The following H6PD variants were observed in gnomAD, a reference collection of about 807,000 sequenced individuals.
H6PD encodes GDH/6PGL endoplasmic bifunctional protein.
In H6PD, 48 loss-of-function variants were observed where a neutral mutation model predicts 61.2. The observed-to-expected ratio is 0.78, with a 90% CI of 0.62 to 1.00. H6PD has a LOEUF of 1.00. H6PD is among the 50% of genes least tolerant of loss of function. The pLI is 0.00. For synonymous variants in H6PD, 480 were observed against 457.9 expected, an observed-to-expected ratio of 1.05 and a Z score of -0.62; for missense variants, 1,093 against 1,065.0, an observed-to-expected ratio of 1.03 and a Z score of -0.37.
At position 9,256,206 on chromosome 1, in the gene H6PD, C is replaced by G. The variant is rs1003298068; in HGVS notation, c.746-5853C>G. Among the ~76,000 whole-genome samples the G allele has an allele frequency of 4.6e-5, 7 of 152,340 alleles. No individual in the cohort carries two copies. The South Asian group carries it at 1.2e-3, about 27-fold the overall frequency. Reference sequence around the variant, plus strand: ...TCTCTTTTTCTGGATGTCTTCTCAACAATAGCACAAGAACTTGAAGGCCAC... The same window carrying G: ...TCTCTTTTTCTGGATGTCTTCTCAAGAATAGCACAAGAACTTGAAGGCCAC... On this transcript the variant is annotated intron_variant, in intron 3 of 4. Coordinates refer to ENST00000377403, the MANE Select transcript of H6PD (RefSeq NM_004285.4).
chr1:9,245,599 G>C lies in H6PD; in HGVS notation c.627+38G>C, dbSNP rs372000451. The C allele has an allele frequency of 1.2e-6, 2 of 1,605,144 alleles. No individual in the cohort carries two copies. The highest frequency in any genetic ancestry group is 1.7e-6 in the Non-Finnish European group (2 of 1,172,124). On this transcript the variant is annotated intron_variant, in intron 2 of 4. Coordinates refer to ENST00000377403, the MANE Select transcript of H6PD (RefSeq NM_004285.4). This position sits in a 1 kb window ranked among gnomAD's most constrained non-coding sequence, Gnocchi z 4.8. The stretch of plus-strand genomic sequence containing the variant: ...ATGGAGCCTGCCAGGGCTAGGGTGA[G>C]CTGGGCGCTGGTAGACCCCAGCAAC...
In H6PD at chr1:9,249,049, C is replaced by T. The variant is rs573918260; in HGVS notation, c.745+1966C>T. The stretch of plus-strand genomic sequence containing the variant: ...GGGGTCCTGCCCCTGCTGAAGCCAG[C>T]GGGCCGGCGCTTGCCCTTCTCTACC... On this transcript the variant is annotated intron_variant, in intron 3 of 4. Coordinates refer to ENST00000377403, the MANE Select transcript of H6PD (RefSeq NM_004285.4). Among the ~76,000 whole-genome samples the T allele has an allele frequency of 3.9e-5, 6 of 152,336 alleles. No individual in the cohort carries two copies. In the East Asian group the frequency reaches 5.8e-4, roughly 15 times the overall value.
At chr1:9,257,407 G>T (rs770273711) in intron 3 of H6PD, among the ~76,000 whole-genome samples, 49 of 152,106 alleles carry the variant, frequency 3.2e-4, no homozygotes, top group Admixed American at 1.5e-3. Flanking sequence ...AAAGTGCTGG[G>T]ATTACCAGCA....
At chr1:9,244,553 G>A (rs150080568) in intron 1 of H6PD, among the ~76,000 whole-genome samples, 1 of 152,194 alleles carries the variant, frequency 6.6e-6, no homozygotes, top group South Asian at 2.1e-4. Context: ...CTGCTTGTCC[G>A]GGTGACCTGT....
chr1:9,256,293 T>C (rs1410844550), intron 3 of H6PD, among the ~76,000 whole-genome samples: 1 of 152,184 alleles, frequency 6.6e-6, no homozygotes, highest in Non-Finnish European at 1.5e-5. Flanking sequence ...TCTTGGCATT[T>C]TGGTTGGCAC....
At chr1:9,263,435 A>G (rs1447902614) in intron 4 of H6PD, 74 bp from the exon 5 acceptor site, 1 of 1,455,588 alleles carries the variant, frequency 6.9e-7, no homozygotes, top group Non-Finnish European at 9.6e-7. Context: ...AGGAGCCGGC[A>G]AGGAGAGGAG....
In H6PD at chr1:9,263,741, G is replaced by C. The variant is rs779056308; in HGVS notation, c.1248G>C (p.Arg416Ser). The change falls in exon 5 of 5, where the codon AGG becomes AGC. Residue 416 changes from arginine to serine, a missense_variant. By Grantham distance (110) the Arg-to-Ser change is moderately radical. Transcript: ENST00000377403. ...GCAGCCCTGCCGTGCTGGTCAGCAG[G>C]AACCTGTTCAGGCCCTCCCTGCCCT... ...DLGSPAVLVS[R>S]NLFRPSLPSS... 1.6e-4 allele frequency: 259 copies of C among 1,613,900 alleles called. 1 individual carries two copies. Among genetic ancestry groups the C allele is most frequent in the Non-Finnish European group, 2.1e-4 (250 of 1,180,016 alleles).
In H6PD at chr1:9,263,992, TCTACC is replaced by T; in HGVS notation, c.1502_1506del (p.Tyr501TrpfsTer4). On this transcript the variant is annotated frameshift_variant, in exon 5 of 5. Coordinates refer to ENST00000377403, the MANE Select transcript of H6PD (RefSeq NM_004285.4). LOFTEE classifies it high-confidence loss of function. ...AGCCTGGCCCATAAGGCCCCACGCC[TCTACC>T]CTGGAGGAGCTGAGAATGGCCGTCT... 6.2e-7 allele frequency: 1 copy of T among 1,614,222 alleles called. No individual in the cohort carries two copies. The highest frequency in any genetic ancestry group is 8.5e-7 in the Non-Finnish European group (1 of 1,180,034).
chr1:9,263,454 C>T, intron 4 of H6PD, 55 bp from the exon 5 acceptor site: 9 of 1,569,368 alleles, frequency 5.7e-6, no homozygotes, highest in Non-Finnish European at 7.0e-6. Flanking sequence ...AGAGGGCTGG[C>T]CGGAGAGTCC....
chr1:9,259,587 C>T (rs1398782296), intron 3 of H6PD, among the ~76,000 whole-genome samples: 2 of 152,008 alleles, frequency 1.3e-5, no homozygotes, highest in African/African-American at 2.4e-5. Context: ...TACATTGTCA[C>T]ACCAGTGTTG....
chr1:9,261,090 G>T (rs1356502182), intron 3 of H6PD, among the ~76,000 whole-genome samples: 1 of 151,892 alleles, frequency 6.6e-6, no homozygotes, highest in Non-Finnish European at 1.5e-5. Flanking sequence ...GTCTCTGCTG[G>T]GCAGCTGTGC....
At chr1:9,255,304 CAG>C (rs1641482548) in intron 3 of H6PD, among the ~76,000 whole-genome samples, 1 of 151,810 alleles carries the variant, frequency 6.6e-6, no homozygotes, top group Admixed American at 6.6e-5. Flanking sequence ...TTTTTGGAGA[CAG>C]GGTCTTTATC....
Position 9,264,200 on chromosome 1 carries a change from T to A in H6PD, c.1707T>A (p.Asn569Lys), listed in dbSNP as rs550005185. The A allele has an allele frequency of 1.9e-6, 3 of 1,611,338 alleles. No individual in the cohort carries two copies. The East Asian group carries it at 6.7e-5, about 36-fold the overall frequency. Residue 569 changes from asparagine (N) to lysine (K), a missense_variant, in exon 5 of 5, where the codon AAT (asparagine) becomes AAA (lysine). Physicochemically the swap from Asn to Lys is moderately conservative, Grantham distance 94. Transcript: ENST00000377403. ...WSEELISKLANDIEATAVRAV... is the reference protein window; with the variant it reads ...WSEELISKLAKDIEATAVRAV... ...AGGAGCTGATCTCTAAGCTGGCTAA[T>A]GACATCGAGGCCACCGCTGTGCGAG...
intron 1 of H6PD, among the ~76,000 whole-genome samples, chr1:9,239,052 G>C (rs1195563196): frequency 6.6e-6 from 1 of 151,572 alleles, no homozygotes; most frequent in Admixed American, 6.6e-5. Flanking sequence ...TTAATTTAAT[G>C]GTTTTTTTTT....
chr1:9,260,182 T>C (rs1641675988), intron 3 of H6PD, among the ~76,000 whole-genome samples: 1 of 152,080 alleles, frequency 6.6e-6, no homozygotes, highest in African/African-American at 2.4e-5. Context: ...TATGTTGTTG[T>C]TATGCTGGTG....
At position 9,264,262 on chromosome 1, in the gene H6PD, C is replaced by A. The variant is rs766100678; in HGVS notation, c.1769C>A (p.Ser590Ter). 2.5e-6 allele frequency: 4 copies of A among 1,609,530 alleles called. No individual in the cohort carries two copies. In the East Asian group the frequency reaches 6.7e-5, roughly 27 times the overall value. ...TTTGGCCAGTTCCACCTGGCACTGT[C>A]GGGGGGCTCGAGCCCCGTGGCCCTG... ...RRFGQFHLAL[S>*]GGSSPVALFQ... The change falls in exon 5 of 5, where the codon TCG (serine) becomes TAG (stop). Residue 590 changes from serine to a stop codon, truncating the protein, a stop_gained. Transcript: ENST00000377403. LOFTEE classifies it high-confidence loss of function.
chr1:9,237,012 T>C (rs1640866476), intron 1 of H6PD, among the ~76,000 whole-genome samples: 1 of 152,172 alleles, frequency 6.6e-6, no homozygotes, highest in African/African-American at 2.4e-5. Flanking sequence ...CCGCAGTTAG[T>C]GTTCGGAACA....
At position 9,245,275 on chromosome 1, in the gene H6PD, C is replaced by T. The variant is rs1435761319; in HGVS notation, c.341C>T (p.Ala114Val). ...AGCCAGTACCGCCAACTGAAGACGG[C>T]CGAGGACTATCAGGCCCTGAACAAG... ...QLSQYRQLKT[A>V]EDYQALNKDI... Residue 114 changes from alanine to valine, a missense_variant, in exon 2 of 5, where the codon GCC becomes GTC. Ala to Val is a moderately conservative substitution (Grantham distance 64, BLOSUM62 0). Transcript: ENST00000377403. This position sits in a 1 kb window ranked among gnomAD's most constrained non-coding sequence, Gnocchi z 4.8. 6.2e-7 allele frequency: 1 copy of T among 1,614,078 alleles called. No homozygotes were observed. Among genetic ancestry groups the T allele is most frequent in the Admixed American group, 1.7e-5 (1 of 60,014 alleles).
At chr1:9,241,848 C>T (rs945904938) in intron 1 of H6PD, among the ~76,000 whole-genome samples, 3 of 152,144 alleles carry the variant, frequency 2.0e-5, no homozygotes, top group Admixed American at 6.5e-5. Context: ...CAGTTTCCTT[C>T]ACCTCCCAGT....
Sources: gnomAD v4.1 joint callset for allele counts (sites outside exome capture counted in the v4.1 genomes callset) on GRCh38, gnomAD v4.1.1 for gene constraint, Gnocchi (gnomAD v3.1) non-coding constraint, MANE v1.5 for transcripts, NCBI Gene and HGNC (gene_info 2026-07-23, HGNC 2026-07-21) for gene names.